The following TMTC1 variants were observed in gnomAD, a reference collection of about 807,000 sequenced individuals.
TMTC1 encodes the protein protein O-mannosyl-transferase TMTC1.
TMTC1 carries 73 observed loss-of-function variants against 104.8 expected under a neutral mutation model. That is an observed-to-expected ratio of 0.70 (90% CI 0.58 to 0.85). The LOEUF is 0.85. TMTC1 is among the 40% of genes least tolerant of loss of function. TMTC1 has a pLI of 0.00. For synonymous variants in TMTC1, 434 were observed against 428.7 expected, an observed-to-expected ratio of 1.01 and a Z score of -0.15; for missense variants, 1,035 against 1,096.1, an observed-to-expected ratio of 0.94 and a Z score of 0.79.
At chr12:29,523,265 A>C (rs1359279908) in intron 11 of TMTC1, among the ~76,000 whole-genome samples, 1 of 152,274 alleles carries the variant, frequency 6.6e-6, no homozygotes. Flanking sequence ...CCCCTGAACC[A>C]GAACAGGTTC....
chr12:29,553,109 G>A (rs961433796), intron 10 of TMTC1, among the ~76,000 whole-genome samples: 1 of 152,166 alleles, frequency 6.6e-6, no homozygotes, highest in Non-Finnish European at 1.5e-5. Context: ...GCAATTGCAT[G>A]CCATTAAACA....
chr12:29,667,569 G>A (rs1051693401), intron 5 of TMTC1, among the ~76,000 whole-genome samples: 7 of 152,142 alleles, frequency 4.6e-5, no homozygotes, highest in African/African-American at 1.7e-4. Flanking sequence ...AACAGCTCAT[G>A]TAGTTTTATA....
chr12:29,629,323 A>G (rs1938175553), intron 6 of TMTC1, among the ~76,000 whole-genome samples: 2 of 151,878 alleles, frequency 1.3e-5, no homozygotes, highest in Admixed American at 6.6e-5. Flanking sequence ...CCGTCTCAAA[A>G]AAAGAAAAAA....
chr12:29,783,517 A>C lies in TMTC1; in HGVS notation c.235T>G (p.Trp79Gly). 2.1e-6 allele frequency: 3 copies of C among 1,444,350 alleles called. No individual in the cohort carries two copies. The highest frequency in any genetic ancestry group is 2.7e-6 in the Non-Finnish European group (3 of 1,096,744). 89.5% of individuals were successfully genotyped at this position (1,444,350 alleles called of 1,614,324 possible). Residue 79 changes from tryptophan (W) to glycine (G), a missense_variant, in exon 1 of 18, where the codon TGG (tryptophan) becomes GGG (glycine). Trp to Gly is a radical substitution (Grantham distance 184). Transcript: ENST00000539277. The surrounding 1 kb of genome is among the most constrained non-coding windows in gnomAD (Gnocchi z 4.7). Reference protein sequence around the residue: ...LRWGIFTNDFWGKGMAENTSH... With the variant: ...LRWGIFTNDFGGKGMAENTSH... ...GTGTTCTCGGCCATGCCCTTGCCCC[A>C]GAAGTCGTTGGTGAAGATGCCCCAG...
chr12:29,758,410 T>C (rs1364396528), intron 3 of TMTC1, among the ~76,000 whole-genome samples: 1 of 152,120 alleles, frequency 6.6e-6, no homozygotes, highest in African/African-American at 2.4e-5. Context: ...AGAGCGAAGA[T>C]TCCAAATTCA....
chr12:29,759,959 C>A (rs1943305367), intron 2 of TMTC1, among the ~76,000 whole-genome samples: 1 of 152,152 alleles, frequency 6.6e-6, no homozygotes, highest in Non-Finnish European at 1.5e-5. Flanking sequence ...ACTTTCAGGT[C>A]AACAACGAGC....
chr12:29,528,254 T>A (rs1406460751), intron 11 of TMTC1, among the ~76,000 whole-genome samples: 1 of 152,206 alleles, frequency 6.6e-6, no homozygotes, highest in Non-Finnish European at 1.5e-5. Context: ...TACTGACTTG[T>A]AAGTTCCAGA....
chr12:29,783,533 G>A lies in TMTC1; in HGVS notation c.219C>T (p.Ile73=), dbSNP rs975787340. ...VRPGAPLRWG[I]FTNDFWGKGM... ...CCTTGCCCCAGAAGTCGTTGGTGAA[G>A]ATGCCCCAGCGGAGCGGGGCGCCGG... Residue 73 remains isoleucine, a synonymous_variant, in exon 1 of 18, where the codon ATC becomes ATT. Coordinates refer to ENST00000539277, the MANE Select transcript of TMTC1 (RefSeq NM_001193451.2). The surrounding 1 kb of genome is among the most constrained non-coding windows in gnomAD (Gnocchi z 4.7). 132 of 1,461,066 alleles carry A rather than the reference G, an allele frequency of 9.0e-5. No homozygotes were observed. The highest frequency in any genetic ancestry group is 1.2e-4 in the Admixed American group (5 of 43,302). The allele number at this position is 1,461,066 out of a possible 1,614,324, so 90.5% of individuals were successfully genotyped here.
intron 7 of TMTC1, among the ~76,000 whole-genome samples, chr12:29,601,795 T>C (rs929974062): frequency 6.6e-6 from 1 of 151,938 alleles, no homozygotes; most frequent in Admixed American, 6.6e-5. Flanking sequence ...TTATTGACCA[T>C]ATATAATGCA....
intron 7 of TMTC1, among the ~76,000 whole-genome samples, chr12:29,602,477 T>C (rs1946594286): frequency 6.6e-6 from 1 of 152,106 alleles, no homozygotes; most frequent in African/African-American, 2.4e-5. Context: ...TGTCATTGAG[T>C]TGGGTGCTAT....
chr12:29,769,261 T>C (rs1943543253), intron 1 of TMTC1, among the ~76,000 whole-genome samples: 1 of 152,184 alleles, frequency 6.6e-6, no homozygotes, highest in South Asian at 2.1e-4. Flanking sequence ...ATAAACTCCA[T>C]TTTCACTCCC....
intron 5 of TMTC1, among the ~76,000 whole-genome samples, chr12:29,737,387 G>A (rs946998117): frequency 3.3e-5 from 5 of 152,252 alleles, no homozygotes; most frequent in East Asian, 1.9e-4. Context: ...GCCTGGTGGC[G>A]CATGCCTGTA....
intron 2 of TMTC1, among the ~76,000 whole-genome samples, chr12:29,761,272 A>G (rs779927494): frequency 9.2e-5 from 14 of 151,464 alleles, no homozygotes; most frequent in Non-Finnish European, 1.9e-4. Flanking sequence ...GCTTTCAAAA[A>G]TGTACAACTA....
Position 29,758,773 on chromosome 12 carries a change from G to A in TMTC1, c.485C>T (p.Ala162Val). The change falls in exon 3 of 18, where the codon GCT becomes GTT. Residue 162 changes from alanine (A) to valine (V), a missense_variant. By Grantham distance (64) the Ala-to-Val change is moderately conservative. Coordinates refer to ENST00000539277, the MANE Select transcript of TMTC1 (RefSeq NM_001193451.2). ...AVHPIHTEAV[A>V]GIVGRADVLA... The stretch of plus-strand genomic sequence containing the variant: ...CACGTCCGCTCTGCCAACGATCCCA[G>A]CCACCTTGGAAGTTAAAATAATAAA... 2 of 1,603,926 alleles carry A rather than the reference G, an allele frequency of 1.2e-6. 1 individual carries two copies. The highest frequency in any genetic ancestry group is 3.3e-4 in the Middle Eastern group (2 of 5,998).
chr12:29,774,374 C>T (rs911505145), intron 1 of TMTC1, among the ~76,000 whole-genome samples: 4 of 152,124 alleles, frequency 2.6e-5, no homozygotes, highest in Admixed American at 6.5e-5. Context: ...CTAGTATTGC[C>T]CAGCTTTCCA....
At chr12:29,626,468 T>C (rs1937998974) in intron 6 of TMTC1, among the ~76,000 whole-genome samples, 1 of 152,234 alleles carries the variant, frequency 6.6e-6, no homozygotes, top group Non-Finnish European at 1.5e-5. Context: ...GTTATTTACA[T>C]GATCCTTGCT....
At chr12:29,585,221 G>T (rs1320278145) in intron 7 of TMTC1, among the ~76,000 whole-genome samples, 1 of 151,980 alleles carries the variant, frequency 6.6e-6, no homozygotes, top group East Asian at 1.9e-4. Context: ...TGTGTTTTTT[G>T]GCTGCATAAA....
chr12:29,703,471 A>T (rs1411579947), intron 5 of TMTC1, among the ~76,000 whole-genome samples: 1 of 152,228 alleles, frequency 6.6e-6, no homozygotes. Flanking sequence ...GTAGACTCTA[A>T]TACCACCTGC....
intron 8 of TMTC1, among the ~76,000 whole-genome samples, chr12:29,575,246 G>C (rs781441510): frequency 2.0e-5 from 3 of 152,100 alleles, no homozygotes; most frequent in Non-Finnish European, 4.4e-5. Context: ...GAAAATTCCT[G>C]CAACTTATTT....
Sources: allele counts gnomAD v4.1 joint callset (sites outside exome capture counted in the v4.1 genomes callset), GRCh38; gene constraint gnomAD v4.1.1; non-coding constraint Gnocchi (gnomAD v3.1); transcripts MANE v1.5; gene names NCBI Gene and HGNC (gene_info 2026-07-23, HGNC 2026-07-21).